ANO2: variants seen among roughly 807,000 people sequenced by gnomAD.
ANO2 encodes anoctamin-2.
In ANO2, 101 loss-of-function variants were observed where a neutral mutation model predicts 124.2. The observed-to-expected ratio is 0.81, with a 90% CI of 0.69 to 0.96. The LOEUF is 0.96. Ranked by LOEUF, ANO2 falls within the 40% of genes least tolerant of loss-of-function variation. The pLI is 0.00. For missense variants in ANO2, 1,293 were observed against 1,274.5 expected (o/e 1.01, Z -0.22); for synonymous variants, 486 against 482.5 (o/e 1.01, Z -0.09).
At chr12:5,578,921 G>C (rs937218237) in intron 20 of ANO2, among the ~76,000 whole-genome samples, 11 of 152,220 alleles carry the variant, frequency 7.2e-5, no homozygotes, top group Non-Finnish European at 1.5e-5. Flanking sequence ...ACTCAACTCT[G>C]CCATTATACA....
chr12:5,587,610 C>A (rs146472410), intron 20 of ANO2, among the ~76,000 whole-genome samples: 16 of 152,306 alleles, frequency 1.1e-4, no homozygotes, highest in East Asian at 1.9e-4. Context: ...GGCCAGTTTT[C>A]TTTCATCCCC....
chr12:5,667,812 T>C (rs1252101837), intron 14 of ANO2, among the ~76,000 whole-genome samples: 4 of 152,246 alleles, frequency 2.6e-5, no homozygotes, highest in African/African-American at 9.6e-5. Context: ...GTTTGGGTTT[T>C]CCATTCCTGG....
intron 14 of ANO2, among the ~76,000 whole-genome samples, chr12:5,715,254 C>A (rs190157432): frequency 2.0e-5 from 3 of 152,284 alleles, no homozygotes; most frequent in East Asian, 3.9e-4. Context: ...CATTTACCAA[C>A]CGGGACACAT....
intron 14 of ANO2, among the ~76,000 whole-genome samples, chr12:5,729,688 CA>C (rs57244014): frequency 6.0e-4 from 87 of 145,354 alleles, no homozygotes; most frequent in Middle Eastern, 7.1e-3. Flanking sequence ...AAGCATACGG[CA>C]AAAAAAAAAA....
intron 14 of ANO2, among the ~76,000 whole-genome samples, chr12:5,724,886 ATT>A (rs3837489): frequency 0.12 from 18,870 of 152,084 alleles, 1,311 homozygotes; most frequent in African/African-American, 0.18. Context: ...GTTAAATAGG[ATT>A]TTGTTTTAAA....
intron 13 of ANO2, chr12:5,732,858 A>G: frequency 6.2e-7 from 1 of 1,614,016 alleles, no homozygotes; most frequent in South Asian, 1.1e-5. Flanking sequence ...TCACACTGAA[A>G]ACCAAACCTG....
At chr12:5,728,243 C>T (rs1023619016) in intron 14 of ANO2, among the ~76,000 whole-genome samples, 3 of 152,040 alleles carry the variant, frequency 2.0e-5, no homozygotes, top group Non-Finnish European at 4.4e-5. Flanking sequence ...CATGATCTCA[C>T]AAATAGAAAA....
upstream of ANO2, among the ~76,000 whole-genome samples, chr12:5,945,641 T>C (rs940294921): frequency 1.3e-5 from 2 of 152,232 alleles, no homozygotes; most frequent in African/African-American, 4.8e-5. Context: ...CAAAACCTTC[T>C]TCCCGCCGCC....
intron 19 of ANO2, among the ~76,000 whole-genome samples, chr12:5,605,906 C>T (rs1232568968): frequency 5.3e-5 from 8 of 152,116 alleles, no homozygotes; most frequent in African/African-American, 1.4e-4. Context: ...TAAAACCATC[C>T]GATCCTCTCT....
intron 19 of ANO2, among the ~76,000 whole-genome samples, chr12:5,602,467 T>TG (rs35739360): frequency 0.29 from 44,234 of 151,996 alleles, 6,615 homozygotes; most frequent in Non-Finnish European, 0.34. Flanking sequence ...TTGCCCATGC[T>TG]GGTCTTAAAC....
chr12:5,907,875 G>C (rs1940801715), intron 3 of ANO2, among the ~76,000 whole-genome samples: 2 of 152,240 alleles, frequency 1.3e-5, no homozygotes, highest in Admixed American at 1.3e-4. Flanking sequence ...CTCCTGGGGA[G>C]CCCAGTGGGG....
At chr12:5,566,769 T>C (rs1336455222) in intron 23 of ANO2, among the ~76,000 whole-genome samples, 1 of 152,164 alleles carries the variant, frequency 6.6e-6, no homozygotes, top group Non-Finnish European at 1.5e-5. Context: ...AGTTGAAGTG[T>C]GTGGCCAGAG....
Position 5,599,492 on chromosome 12 carries a change from A to T in ANO2, c.2225T>A (p.Met742Lys), listed in dbSNP as rs778929902. 6.2e-7 allele frequency: 1 copy of T among 1,604,158 alleles called. No individual in the cohort carries two copies. Among genetic ancestry groups the T allele is most frequent in the Admixed American group, 1.7e-5 (1 of 57,274 alleles). Residue 742 changes from methionine to lysine, a missense_variant, in exon 20 of 25, where the codon ATG (methionine) becomes AAG (lysine). Met to Lys is a moderately conservative substitution (Grantham distance 95). Coordinates refer to ENST00000682330, the MANE Select transcript of ANO2 (RefSeq NM_001364791.2). ...EPYTGLTPEY[M>K]EMIIQFGFVT... ...GGACCATGGGTTCTCACTCATTTCC[A>T]TGTACTCCGGAGTCAGTCCTGTGTA...
intron 14 of ANO2, among the ~76,000 whole-genome samples, chr12:5,702,740 A>C (rs1949456004): frequency 6.6e-6 from 1 of 152,226 alleles, no homozygotes; most frequent in African/African-American, 2.4e-5. Context: ...ATAGAGAGAC[A>C]TTTCTTAAGA....
At chr12:5,721,932 T>C (rs969452487) in intron 14 of ANO2, among the ~76,000 whole-genome samples, 4 of 152,264 alleles carry the variant, frequency 2.6e-5, no homozygotes, top group Non-Finnish European at 5.9e-5. Flanking sequence ...TGTTAAGTAG[T>C]TAAGTCCAAA....
At chr12:5,767,740 C>A (rs867869265) in intron 10 of ANO2, among the ~76,000 whole-genome samples, 3 of 152,200 alleles carry the variant, frequency 2.0e-5, no homozygotes, top group African/African-American at 4.8e-5. Context: ...CCTTCCCCCC[C>A]ATCTGCTTTA....
At chr12:5,828,038 C>T (rs1565702670) in intron 6 of ANO2, among the ~76,000 whole-genome samples, 1 of 152,198 alleles carries the variant, frequency 6.6e-6, no homozygotes, top group Non-Finnish European at 1.5e-5. Context: ...GCACACATCC[C>T]CCGCCCCTTC....
At chr12:5,602,985 A>G (rs1260239529) in intron 19 of ANO2, among the ~76,000 whole-genome samples, 1 of 152,260 alleles carries the variant, frequency 6.6e-6, no homozygotes, top group Non-Finnish European at 1.5e-5. Context: ...AAGGTTTCAA[A>G]AAAATGAACT....
chr12:5,916,919 CATA>C (rs1344266364), intron 3 of ANO2, among the ~76,000 whole-genome samples: 1 of 152,100 alleles, frequency 6.6e-6, no homozygotes, highest in Non-Finnish European at 1.5e-5. Flanking sequence ...CAGCACAGAT[CATA>C]ATAACTACCT....
Sources: gnomAD v4.1 joint callset for allele counts (sites outside exome capture counted in the v4.1 genomes callset) on GRCh38, gnomAD v4.1.1 for gene constraint, MANE v1.5 for transcripts, NCBI Gene and HGNC (gene_info 2026-07-23, HGNC 2026-07-21) for gene names.